Variants in KHNYN observed in about 807,000 individuals in gnomAD.
KHNYN encodes the protein KH and NYN domain containing.
KHNYN carries 42 observed loss-of-function variants against 62.7 expected under a neutral mutation model. The observed-to-expected ratio is 0.67, with a 90% CI of 0.52 to 0.87. KHNYN has a LOEUF of 0.87. KHNYN is among the 40% of genes least tolerant of loss of function. The probability of loss-of-function intolerance (pLI) is 0.00; values close to 1 mark genes in which losing one functional copy is unlikely to be tolerated. For missense variants in KHNYN, 829 were observed against 874.1 expected, an observed-to-expected ratio of 0.95 and a Z score of 0.65; for synonymous variants, 347 against 345.6, an observed-to-expected ratio of 1.00 and a Z score of -0.04.
chr14:24,427,793 A>G (rs769985392), upstream of KHNYN: 1 of 1,613,856 alleles, frequency 6.2e-7, no homozygotes, highest in Admixed American at 1.7e-5. The surrounding 1 kb of genome is among the most constrained non-coding windows in gnomAD (Gnocchi z 4.4). Context: ...GGGTCCTCAG[A>G]GAGGGAAGAT....
Position 24,440,251 on chromosome 14 carries a change from G to C in KHNYN, c.*2966G>C. On this transcript the variant is annotated 3_prime_UTR_variant, in exon 8 of 8. Coordinates refer to ENST00000553935, the MANE Select transcript of KHNYN (RefSeq NM_015299.3). ...CGCTGGGGAGAGGGATGAAGGCTCGGCGGCCCAGGGCAGCACCCAAGGTCT... is the reference window on the plus strand; with the variant it reads ...CGCTGGGGAGAGGGATGAAGGCTCGCCGGCCCAGGGCAGCACCCAAGGTCT... 1 of 1,613,854 alleles carries C rather than the reference G, an allele frequency of 6.2e-7. No homozygotes were observed. Among genetic ancestry groups the C allele is most frequent in the Non-Finnish European group, 8.5e-7 (1 of 1,179,732 alleles).
intron 1 of KHNYN, chr14:24,430,428 G>C: frequency 8.2e-7 from 1 of 1,219,014 alleles, no homozygotes; most frequent in East Asian, 4.1e-5. Context: ...CCTCCAGGCC[G>C]AGCTGGAGCC....
At chr14:24,430,675 G>C in intron 1 of KHNYN, 39 bp from the exon 2 acceptor site, 2 of 1,539,362 alleles carry the variant, frequency 1.3e-6, no homozygotes, top group Admixed American at 2.0e-5. Context: ...TTTGGATGGA[G>C]GGTACAATGA....
rs1440258643 is a variant in KHNYN at position 24,440,971 on chromosome 14, G to C, written c.*3686G>C. ...ATTTGCCCTGGGTGTCCTTGGTCCTGCCTGGCTCTCTGTAGTGGAGGCTCC... is the reference window on the plus strand; with the variant it reads ...ATTTGCCCTGGGTGTCCTTGGTCCTCCCTGGCTCTCTGTAGTGGAGGCTCC... On this transcript the variant is annotated 3_prime_UTR_variant, in exon 8 of 8. Coordinates refer to ENST00000553935, the MANE Select transcript of KHNYN (RefSeq NM_015299.3). The C allele has an allele frequency of 6.2e-7, 1 of 1,611,644 alleles. No homozygotes were observed. Among genetic ancestry groups the C allele is most frequent in the South Asian group, 1.1e-5 (1 of 90,844 alleles).
At position 24,432,116 on chromosome 14, in the gene KHNYN, G is replaced by A. The variant is rs200125181; in HGVS notation, c.855G>A (p.Val285=). The A allele has an allele frequency of 1.9e-6, 3 of 1,549,834 alleles. No homozygotes were observed. The highest frequency in any genetic ancestry group is 2.6e-6 in the Non-Finnish European group (3 of 1,147,350). ...GGGAAGAGGCGTGGGAGAGAGAAGT[G>A]GCCCTCAGGCCACAGTCAGTGGGTG... ...LPGEEAWERE[V]ALRPQSVGGG... The change falls in exon 3 of 8, where the codon GTG becomes GTA. Residue 285 remains valine (V), a synonymous_variant. Coordinates refer to ENST00000553935, the MANE Select transcript of KHNYN (RefSeq NM_015299.3). This position sits in a 1 kb window ranked among gnomAD's most constrained non-coding sequence, Gnocchi z 5.6.
chr14:24,428,009 C>T (rs769703763), upstream of KHNYN: 9 of 1,604,632 alleles, frequency 5.6e-6, no homozygotes, highest in Non-Finnish European at 7.7e-6. Context: ...GCCCAGTTAG[C>T]CCCCATTCCC....
At chr14:24,428,455 CA>C, upstream of KHNYN, 2 of 1,607,340 alleles carry the variant, frequency 1.2e-6, no homozygotes, top group Non-Finnish European at 1.7e-6. Context: ...GCCCATGGCT[CA>C]GGGGTACCAT....
In KHNYN at chr14:24,430,035, C is replaced by T; in HGVS notation, c.-102C>T. The T allele has an allele frequency of 4.1e-6, 4 of 985,680 alleles. No individual in the cohort carries two copies. The highest frequency in any genetic ancestry group is 4.8e-6 in the Non-Finnish European group (4 of 830,068). The allele number at this position is 985,680 out of a possible 1,614,324, so 61.1% of individuals were successfully genotyped here. The stretch of plus-strand genomic sequence containing the variant: ...CCCGCCCAGATTCGGGCCCCCTGCC[C>T]TTGTCCCCTGGGCTGGGGGCGCGGG... On this transcript the variant is annotated 5_prime_UTR_variant, in exon 1 of 8. Coordinates refer to ENST00000553935, the MANE Select transcript of KHNYN (RefSeq NM_015299.3).
At chr14:24,429,447 G>A (rs1462427585), upstream of KHNYN, 1 of 504,610 alleles carries the variant, frequency 2.0e-6, no homozygotes, top group Non-Finnish European at 3.9e-6. Flanking sequence ...GTGTGAGTGT[G>A]TGCATATGCC....
rs1455556154 is a variant in KHNYN, at chr14:24,436,065, G to C, written c.1578-7G>C. The C allele has an allele frequency of 6.2e-7, 1 of 1,612,400 alleles. No individual in the cohort carries two copies. ...CCCTCTCTCGGTTGCTGTGGTTTTG[G>C]AGACAGGTTCATGGTGAAGCTGGCT... is the stretch of plus-strand genomic sequence containing the variant. On this transcript the variant is annotated splice_region_variant and splice_polypyrimidine_tract_variant and intron_variant, in intron 5 of 7. Transcript: ENST00000553935.
At chr14:24,429,900 A>T, upstream of KHNYN, 1 of 1,013,040 alleles carries the variant, frequency 9.9e-7, no homozygotes, top group Non-Finnish European at 1.2e-6. Flanking sequence ...GAGGGCGCGC[A>T]GCCGGGAGGA....
At chr14:24,436,321 G>T in intron 6 of KHNYN, 67 bp from the exon 7 acceptor site, 1 of 1,459,122 alleles carries the variant, frequency 6.9e-7, no homozygotes, top group South Asian at 1.1e-5. Flanking sequence ...TGGTGATACT[G>T]GTCTCGGTTG....
upstream of KHNYN, among the ~76,000 whole-genome samples, chr14:24,425,803 C>T (rs1034810668): frequency 4.6e-5 from 7 of 152,204 alleles, no homozygotes; most frequent in Non-Finnish European, 7.3e-5. Context: ...TCTGACTAAT[C>T]CATTGTCTTA....
upstream of KHNYN, among the ~76,000 whole-genome samples, chr14:24,426,064 C>T (rs2043017312): frequency 6.6e-6 from 1 of 152,228 alleles, no homozygotes; most frequent in African/African-American, 2.4e-5. Flanking sequence ...CTTCTTCACT[C>T]AGCATATTAA....
chr14:24,425,869 C>G (rs2043015334), upstream of KHNYN, among the ~76,000 whole-genome samples: 1 of 152,168 alleles, frequency 6.6e-6, no homozygotes, highest in Admixed American at 6.5e-5. Flanking sequence ...CAAATAGTTC[C>G]ACCAGTATCT....
rs1217659168 is a variant in KHNYN, at chr14:24,434,262, CCAGTAA to C, written c.1577+1235_1577+1240del. 3.0e-6 allele frequency: 3 copies of C among 985,226 alleles called. No homozygotes were observed. The African/African-American group carries it at 5.2e-5, about 17-fold the overall frequency. 61.0% of individuals were successfully genotyped at this position (985,226 alleles called of 1,614,324 possible). On this transcript the variant is annotated intron_variant, in intron 5 of 7. Transcript: ENST00000553935. Reference sequence around the variant, plus strand: ...AACATAATATAAATTGGGAATTCGCCCAGTAACAGTGAATAAGCACAGTGGTACACA... The same window carrying C: ...AACATAATATAAATTGGGAATTCGCCCAGTGAATAAGCACAGTGGTACACA...
At chr14:24,431,014 G>C (rs904743469) in intron 2 of KHNYN, 83 bp downstream of exon 2, 1 of 1,283,874 alleles carries the variant, frequency 7.8e-7, no homozygotes, top group South Asian at 1.4e-5. Context: ...GAGGAGAGCA[G>C]GGAAGAGGAG....
rs988779227 is a variant in KHNYN at position 24,438,770 on chromosome 14, T to C, written c.*1485T>C. 1.3e-5 allele frequency: 2 copies of C among 152,224 alleles called. No individual in the cohort carries two copies. Among genetic ancestry groups the C allele is most frequent in the Non-Finnish European group, 2.9e-5 (2 of 68,048 alleles). The allele number at this position is 152,224 out of a possible 1,614,324, so 9.4% of individuals were successfully genotyped here. A position where few individuals can be genotyped will look rare whatever the true frequency, so the allele number is the denominator to read the frequency against. ...TACAGAGCCAGTCAACTTCCTGGAATCCAAGACCAGATAAAGAAGTAGGAC... is the reference window on the plus strand; with the variant it reads ...TACAGAGCCAGTCAACTTCCTGGAACCCAAGACCAGATAAAGAAGTAGGAC... On this transcript the variant is annotated 3_prime_UTR_variant, in exon 8 of 8. Transcript: ENST00000553935.
In KHNYN at chr14:24,439,866, T is replaced by C. The variant is rs3809; in HGVS notation, c.*2581T>C. 0.86 allele frequency: 421,536 copies of C among 492,944 alleles called. 183,957 individuals are homozygous for C. Among genetic ancestry groups the C allele is most frequent in the Non-Finnish European group, 0.9 (252,883 of 279,956 alleles). The allele number at this position is 492,944 out of a possible 1,614,324, so 30.5% of individuals were successfully genotyped here. A position where few individuals can be genotyped will look rare whatever the true frequency, so the allele number is the denominator to read the frequency against. ...TGCAGGACATGTAGAGAAACCAAAC[T>C]GGGAAATCTTACAAGGAGTTGAAAA... On this transcript the variant is annotated 3_prime_UTR_variant, in exon 8 of 8. Coordinates refer to ENST00000553935, the MANE Select transcript of KHNYN (RefSeq NM_015299.3).
Sources: allele counts gnomAD v4.1 joint callset (sites outside exome capture counted in the v4.1 genomes callset), GRCh38; gene constraint gnomAD v4.1.1; non-coding constraint Gnocchi (gnomAD v3.1); transcripts MANE v1.5; gene names NCBI Gene and HGNC (gene_info 2026-07-23, HGNC 2026-07-21).